Variants in PLD5 observed in about 807,000 individuals in gnomAD.
The protein encoded by PLD5 is inactive phospholipase D5.
Under a neutral mutation model 61.1 loss-of-function variants are expected in PLD5, and 36 were observed. That is an observed-to-expected ratio of 0.59 (90% CI 0.45 to 0.78). PLD5 has a LOEUF of 0.78. Among genes scored for constraint, PLD5 ranks in the 30% least tolerant of loss-of-function variants. PLD5 has a pLI of 0.00. For missense variants in PLD5, 515 were observed against 644.4 expected (o/e 0.80, Z 2.17); for synonymous variants, 243 against 242.8 (o/e 1.00, Z -0.01).
chr1:242,494,054 T>C (rs1349371270), intron 1 of PLD5, among the ~76,000 whole-genome samples: 1 of 143,254 alleles, frequency 7.0e-6, no homozygotes, highest in African/African-American at 2.7e-5. Flanking sequence ...GTATGCTTCA[T>C]GTTTCCCTTC....
chr1:242,279,951 T>G (rs1674629831), intron 3 of PLD5, among the ~76,000 whole-genome samples: 1 of 152,216 alleles, frequency 6.6e-6, no homozygotes, highest in African/African-American at 2.4e-5. Context: ...ATTATTCTTT[T>G]TGTAAGATTA....
intron 1 of PLD5, among the ~76,000 whole-genome samples, chr1:242,359,371 G>A (rs1389656615): frequency 6.6e-6 from 1 of 152,162 alleles, no homozygotes; most frequent in East Asian, 1.9e-4. Context: ...AAGAGGGAAG[G>A]ATGACATGGT....
chr1:242,510,482 G>A (rs1475730499), intron 1 of PLD5, among the ~76,000 whole-genome samples: 1 of 152,116 alleles, frequency 6.6e-6, no homozygotes, highest in Admixed American at 6.6e-5. Context: ...AGTAGAAGAC[G>A]TCTCTCCATC....
chr1:242,332,901 G>C (rs764929019), intron 2 of PLD5, among the ~76,000 whole-genome samples: 1 of 152,188 alleles, frequency 6.6e-6, no homozygotes, highest in Non-Finnish European at 1.5e-5. Context: ...GGTCAGCTCT[G>C]GGCAGTGTGG....
At chr1:242,361,373 T>C (rs1404399298) in intron 1 of PLD5, among the ~76,000 whole-genome samples, 1 of 152,150 alleles carries the variant, frequency 6.6e-6, no homozygotes, top group Non-Finnish European at 1.5e-5. Context: ...AAAGCTTACG[T>C]TCAAATGATA....
intron 1 of PLD5, among the ~76,000 whole-genome samples, chr1:242,431,975 C>T (rs1166055798): frequency 1.3e-5 from 2 of 152,172 alleles, no homozygotes; most frequent in South Asian, 4.1e-4. Flanking sequence ...TGAGAAGCCA[C>T]CTGTTCTGCT....
chr1:242,160,098 A>G (rs1665707340), intron 5 of PLD5, among the ~76,000 whole-genome samples: 1 of 151,970 alleles, frequency 6.6e-6, no homozygotes, highest in African/African-American at 2.4e-5. Context: ...TGCAGCCTCA[A>G]CCTCTTGGGC....
At chr1:242,446,670 A>G (rs551222648) in intron 1 of PLD5, among the ~76,000 whole-genome samples, 2 of 152,344 alleles carry the variant, frequency 1.3e-5, no homozygotes, top group African/African-American at 4.8e-5. Flanking sequence ...ACAGCTGTTT[A>G]AGGGAAATTG....
At chr1:242,181,102 G>T (rs1168455846) in intron 5 of PLD5, among the ~76,000 whole-genome samples, 3 of 152,212 alleles carry the variant, frequency 2.0e-5, no homozygotes, top group African/African-American at 7.2e-5. Flanking sequence ...TGTGCTAGAA[G>T]TCAGTGCTTC....
intron 1 of PLD5, among the ~76,000 whole-genome samples, chr1:242,479,586 A>T (rs531565441): frequency 2.2e-4 from 33 of 152,338 alleles, no homozygotes; most frequent in Non-Finnish European, 2.6e-4. Context: ...TATTGTTAAG[A>T]TTTTAATTCT....
intron 3 of PLD5, among the ~76,000 whole-genome samples, chr1:242,266,593 C>A (rs1673687414): frequency 6.6e-6 from 1 of 152,166 alleles, no homozygotes; most frequent in South Asian, 2.1e-4. Context: ...AAATGGTCTT[C>A]TTGTATTGAT....
chr1:242,089,568 AGAAAG>A lies in PLD5; in HGVS notation c.*281_*285del. On this transcript the variant is annotated 3_prime_UTR_variant, in exon 10 of 10. Coordinates refer to ENST00000536534, the MANE Select transcript of PLD5 (RefSeq NM_001372062.1). ...GGTCAGCAGAAAAAGTTCTAAAACTAGAAAGGAGCAGGAATGAAAGTCTTAAAATT... is the reference window on the plus strand; with the variant it reads ...GGTCAGCAGAAAAAGTTCTAAAACTAGAGCAGGAATGAAAGTCTTAAAATT... The A allele has an allele frequency of 3.8e-6, 2 of 527,038 alleles. No homozygotes were observed. The highest frequency in any genetic ancestry group is 6.6e-6 in the Non-Finnish European group (2 of 303,732). 32.6% of individuals were successfully genotyped at this position (527,038 alleles called of 1,614,324 possible). A position where few individuals can be genotyped will look rare whatever the true frequency, so the allele number is the denominator to read the frequency against.
intron 2 of PLD5, among the ~76,000 whole-genome samples, chr1:242,296,326 T>A (rs1237720993): frequency 6.6e-6 from 1 of 152,240 alleles, no homozygotes; most frequent in Non-Finnish European, 1.5e-5. Context: ...TTCTGTAGAT[T>A]TCCTGTTTAT....
chr1:242,120,363 G>A (rs990712389), intron 6 of PLD5, among the ~76,000 whole-genome samples: 23 of 152,052 alleles, frequency 1.5e-4, no homozygotes, highest in African/African-American at 5.6e-4. Flanking sequence ...ATGTTGGCAA[G>A]GTTGGTCTTG....
chr1:242,100,762 T>C lies in PLD5; in HGVS notation c.1260A>G (p.Arg420=). 8 of 1,611,508 alleles carry C rather than the reference T, an allele frequency of 5.0e-6. No individual in the cohort carries two copies. The highest frequency in any genetic ancestry group is 5.9e-6 in the Non-Finnish European group (7 of 1,179,252). ...SLKVKFFDLE[R]ENACATKEQK... ...GTTCTTTTGTAGCACAAGCATTCTC[T>C]CTTTCCAGATCAAAAAATTTCTGTA... The change falls in exon 9 of 10, where the codon AGA becomes AGG. Residue 420 remains arginine, a synonymous_variant. Coordinates refer to ENST00000536534, the MANE Select transcript of PLD5 (RefSeq NM_001372062.1).
chr1:242,185,032 C>A (rs932258252), intron 5 of PLD5, among the ~76,000 whole-genome samples: 12 of 152,216 alleles, frequency 7.9e-5, no homozygotes, highest in African/African-American at 2.9e-4. Context: ...ACCTGCTGAG[C>A]ATCACATTGC....
chr1:242,117,760 T>G lies in PLD5; in HGVS notation c.934-3734A>C, dbSNP rs552858368. On this transcript the variant is annotated intron_variant, in intron 6 of 9. Transcript: ENST00000536534. ...ATACTATTTATTTCTTTTGCTTTTT[T>G]CTTTTTTTACCATCATAACCATTTT... Among the ~76,000 whole-genome samples, 7 of 152,362 alleles carry G rather than the reference T, an allele frequency of 4.6e-5. No homozygotes were observed. In the East Asian group the frequency reaches 1.3e-3, roughly 29 times the overall value.
intron 2 of PLD5, among the ~76,000 whole-genome samples, chr1:242,300,950 C>T (rs905360062): frequency 1.3e-5 from 2 of 152,200 alleles, no homozygotes; most frequent in Non-Finnish European, 2.9e-5. Context: ...ATTCCTAATG[C>T]CGTCTTCCAG....
intron 5 of PLD5, among the ~76,000 whole-genome samples, chr1:242,161,745 A>T (rs1016537546): frequency 2.1e-5 from 3 of 145,810 alleles, no homozygotes; most frequent in Non-Finnish European, 4.6e-5. Flanking sequence ...TCCAGAAGTA[A>T]TATACGTCAA....
Sources: gnomAD v4.1 joint callset for allele counts (sites outside exome capture counted in the v4.1 genomes callset) on GRCh38, gnomAD v4.1.1 for gene constraint, MANE v1.5 for transcripts, NCBI Gene and HGNC (gene_info 2026-07-23, HGNC 2026-07-21) for gene names.